The following NHSL1 variants were observed in gnomAD, a reference collection of about 807,000 sequenced individuals.
NHSL1 encodes the protein NHS-like protein 1.
Under a neutral mutation model 95.0 loss-of-function variants are expected in NHSL1, and 48 were observed. The ratio of observed to expected loss-of-function variants is 0.51; its 90% CI spans 0.40 to 0.64. The LOEUF (loss-of-function observed/expected upper bound fraction) is 0.64, where lower values mean the gene tolerates loss of function less well. NHSL1 is among the 30% of genes least tolerant of loss of function. The pLI is 0.00. For missense variants in NHSL1, 1,971 were observed against 2,077.7 expected (o/e 0.95, Z 1.00); for synonymous variants, 783 against 833.9 (o/e 0.94, Z 1.05).
upstream of NHSL1, among the ~76,000 whole-genome samples, chr6:138,548,728 C>CAATA (rs1052931830): frequency 6.6e-6 from 1 of 152,168 alleles, no homozygotes; most frequent in African/African-American, 2.4e-5. Context: ...CACACACATA[C>CAATA]TATTAGGTAC....
At chr6:138,480,785 T>C (rs979344214) in intron 2 of NHSL1, among the ~76,000 whole-genome samples, 2 of 152,200 alleles carry the variant, frequency 1.3e-5, no homozygotes, top group African/African-American at 4.8e-5. Flanking sequence ...CCTATGATGA[T>C]CTAGAGTCTA....
intron 1 of NHSL1, among the ~76,000 whole-genome samples, chr6:138,544,842 A>C (rs1782720182): frequency 6.6e-6 from 1 of 152,188 alleles, no homozygotes; most frequent in Non-Finnish European, 1.5e-5. Flanking sequence ...AGTTGACGGA[A>C]AAAATAAATG....
At chr6:138,590,240 C>T (rs1010835794) in intron 1 of NHSL1, among the ~76,000 whole-genome samples, 10 of 152,164 alleles carry the variant, frequency 6.6e-5, no homozygotes, top group African/African-American at 9.7e-5. Context: ...TCAGGTGATC[C>T]GTTGGCCTTG....
chr6:138,485,444 G>A (rs1308103944), intron 2 of NHSL1, among the ~76,000 whole-genome samples: 1 of 106,306 alleles, frequency 9.4e-6, no homozygotes, highest in Non-Finnish European at 1.8e-5. Context: ...GTTGCTTACC[G>A]TTAAAAAAAA....
chr6:138,598,372 C>T (rs1295185160), intron 1 of NHSL1, among the ~76,000 whole-genome samples: 2 of 151,776 alleles, frequency 1.3e-5, no homozygotes, highest in Admixed American at 6.6e-5. Context: ...GCAGGAGAAT[C>T]GCTTGAGCCT....
chr6:138,625,919 A>G (rs1784731820), intron 1 of NHSL1, among the ~76,000 whole-genome samples: 1 of 152,356 alleles, frequency 6.6e-6, no homozygotes, highest in Non-Finnish European at 1.5e-5. Flanking sequence ...CTGGGAATAC[A>G]GGTGTGACCC....
Position 138,446,914 on chromosome 6 carries a change from T to C in NHSL1, c.532+87A>G. On this transcript the variant is annotated intron_variant, in intron 4 of 7. Coordinates refer to ENST00000343505, the MANE Select transcript of NHSL1 (RefSeq NM_001144060.2). ...GGACCACAGCTATTCACCTTTGATG[T>C]AGCAATGAAATGCTAACAGCATAAA... 3.3e-6 allele frequency: 4 copies of C among 1,211,508 alleles called. No individual in the cohort carries two copies. In the South Asian group the frequency reaches 4.0e-5, roughly 12 times the overall value. The allele number at this position is 1,211,508 out of a possible 1,614,324, so 75.0% of individuals were successfully genotyped here.
chr6:138,510,174 A>T (rs558569430), intron 1 of NHSL1, among the ~76,000 whole-genome samples: 3 of 152,354 alleles, frequency 2.0e-5, no homozygotes, highest in African/African-American at 7.2e-5. Flanking sequence ...TGTTCTGAAG[A>T]TTAACTGGCT....
intron 1 of NHSL1, among the ~76,000 whole-genome samples, chr6:138,673,992 T>C (rs1314529903): frequency 6.6e-6 from 1 of 152,212 alleles, no homozygotes; most frequent in Non-Finnish European, 1.5e-5. Context: ...GATGCTCTCA[T>C]AAAATTGAAT....
intron 1 of NHSL1, among the ~76,000 whole-genome samples, chr6:138,507,700 T>C (rs78805551): frequency 0.049 from 7,477 of 152,326 alleles, 219 homozygotes; most frequent in African/African-American, 0.078. Context: ...GTCCCACGAA[T>C]GTTATTTCAC....
intron 1 of NHSL1, among the ~76,000 whole-genome samples, chr6:138,601,070 T>G (rs1384296845): frequency 1.3e-5 from 2 of 152,210 alleles, no homozygotes; most frequent in African/African-American, 4.8e-5. Flanking sequence ...TTTAAGGTAC[T>G]AAATGTATAA....
chr6:138,556,414 T>C (rs1425216482), intron 1 of NHSL1, among the ~76,000 whole-genome samples: 2 of 152,118 alleles, frequency 1.3e-5, no homozygotes, highest in Non-Finnish European at 2.9e-5. Context: ...GTCATTGTCA[T>C]TGTAGAAAAA....
chr6:138,628,078 C>T (rs1476839874), intron 1 of NHSL1, among the ~76,000 whole-genome samples: 7 of 151,830 alleles, frequency 4.6e-5, no homozygotes, highest in East Asian at 1.9e-4. Flanking sequence ...TTTGGGAGGC[C>T]GAGGTGGGTG....
chr6:138,499,470 C>A lies in NHSL1; in HGVS notation c.-180G>T, dbSNP rs765403852. Reference sequence around the variant, plus strand: ...GGTTGAGTTTATTGTCAGGCAGTTACAAACCATTAACAGTCCTTGAACCTG... The same window carrying A: ...GGTTGAGTTTATTGTCAGGCAGTTAAAAACCATTAACAGTCCTTGAACCTG... On this transcript the variant is annotated 5_prime_UTR_variant, in exon 1 of 8. Coordinates refer to ENST00000343505, the MANE Select transcript of NHSL1 (RefSeq NM_001144060.2). 21 of 1,372,166 alleles carry A rather than the reference C, an allele frequency of 1.5e-5. No individual in the cohort carries two copies. The highest frequency in any genetic ancestry group is 2.0e-5 in the Non-Finnish European group (21 of 1,049,074). 85.0% of individuals were successfully genotyped at this position (1,372,166 alleles called of 1,614,324 possible).
At chr6:138,449,849 C>T (rs1258650862) in intron 3 of NHSL1, among the ~76,000 whole-genome samples, 2 of 152,128 alleles carry the variant, frequency 1.3e-5, no homozygotes, top group East Asian at 1.9e-4. Context: ...AATACATTTA[C>T]TTGATGTTCT....
chr6:138,485,192 C>T (rs774225810), intron 2 of NHSL1, among the ~76,000 whole-genome samples: 13 of 152,134 alleles, frequency 8.5e-5, no homozygotes, highest in Non-Finnish European at 1.6e-4. Flanking sequence ...TCGGTTGTAT[C>T]GTGAATGATA....
At chr6:138,552,606 A>T (rs1783050469) in intron 1 of NHSL1, among the ~76,000 whole-genome samples, 1 of 151,986 alleles carries the variant, frequency 6.6e-6, no homozygotes, top group Non-Finnish European at 1.5e-5. Context: ...CCTAACACTC[A>T]AAGTGTTAGA....
At chr6:138,599,840 C>A (rs182495767) in intron 1 of NHSL1, among the ~76,000 whole-genome samples, 153 of 152,148 alleles carry the variant, frequency 1.0e-3, no homozygotes, top group African/African-American at 3.6e-3. Context: ...AATGAAGTAC[C>A]TTTAAAATGA....
chr6:138,649,851 G>T (rs953335290), intron 1 of NHSL1, among the ~76,000 whole-genome samples: 3 of 152,130 alleles, frequency 2.0e-5, no homozygotes, highest in Non-Finnish European at 2.9e-5. Flanking sequence ...TGGGCTGACT[G>T]GAGGGGTAGA....
Sources: gnomAD v4.1 joint callset for allele counts (sites outside exome capture counted in the v4.1 genomes callset) on GRCh38, gnomAD v4.1.1 for gene constraint, MANE v1.5 for transcripts, NCBI Gene and HGNC (gene_info 2026-07-23, HGNC 2026-07-21) for gene names.